The following PUS1 variants were observed in gnomAD, a reference collection of about 807,000 sequenced individuals.
PUS1 encodes the protein pseudouridylate synthase 1 homolog.
In PUS1, 25 loss-of-function variants were observed where a neutral mutation model predicts 38.5. The observed-to-expected ratio is 0.65, with a 90% CI of 0.47 to 0.91. The LOEUF is 0.91. PUS1 is among the 40% of genes least tolerant of loss of function. The pLI, the probability that PUS1 is intolerant of heterozygous loss-of-function variation, is 0.00. For synonymous variants in PUS1, 282 were observed against 260.4 expected, an observed-to-expected ratio of 1.08 and a Z score of -0.80; for missense variants, 597 against 612.3, an observed-to-expected ratio of 0.97 and a Z score of 0.26.
Position 131,941,266 on chromosome 12 carries a change from C to T in PUS1, c.545-26C>T, listed in dbSNP as rs370072851. The T allele has an allele frequency of 5.9e-5, 95 of 1,606,542 alleles. No individual in the cohort carries two copies. The African/African-American group carries it at 1.1e-3, about 19-fold the overall frequency. On this transcript the variant is annotated intron_variant, in intron 4 of 5. Transcript: ENST00000376649. The surrounding 1 kb of genome is among the most constrained non-coding windows in gnomAD (Gnocchi z 4.4). ...ATCCAGGCACTTCTCACCTGCCTTT[C>T]TCCTCCCTGACCACCTCCCCCCTAG...
chr12:131,939,118 AGCGT>A (rs1473414308), intron 3 of PUS1, 51 bp from the exon 4 acceptor site: 1 of 1,087,704 alleles, frequency 9.2e-7, no homozygotes, highest in Non-Finnish European at 1.4e-6. Context: ...CTCAGAGACC[AGCGT>A]GCGAGGCCCA....
chr12:131,933,716 A>T (rs562586854), intron 3 of PUS1, among the ~76,000 whole-genome samples: 23 of 152,334 alleles, frequency 1.5e-4, no homozygotes, highest in African/African-American at 5.3e-4. Context: ...GGGAATGGGG[A>T]TGTCTCTAAG....
Position 131,943,767 on chromosome 12 carries a change from CTTGCA to C in PUS1, c.*188_*192del. 1 of 629,608 alleles carries C rather than the reference CTTGCA, an allele frequency of 1.6e-6. No homozygotes were observed. The highest frequency in any genetic ancestry group is 1.7e-5 in the South Asian group (1 of 59,552). 39.0% of individuals were successfully genotyped at this position (629,608 alleles called of 1,614,324 possible). A position where few individuals can be genotyped will look rare whatever the true frequency, so the allele number is the denominator to read the frequency against. On this transcript the variant is annotated 3_prime_UTR_variant, in exon 6 of 6. Transcript: ENST00000376649. ...GCCTTTCTCGAATCTGTTTTCAGCT[CTTGCA>C]TTGCATAGATGAACCTCAGCATGTA... is the stretch of plus-strand genomic sequence containing the variant.
Position 131,945,176 on chromosome 12 carries a change from C to T in PUS1, c.*1590C>T, listed in dbSNP as rs923169461. The T allele has an allele frequency of 4.6e-5, 7 of 152,418 alleles. No homozygotes were observed. Among genetic ancestry groups the T allele is most frequent in the African/African-American group, 1.7e-4 (7 of 41,478 alleles). 9.4% of individuals were successfully genotyped at this position (152,418 alleles called of 1,614,324 possible). On this transcript the variant is annotated 3_prime_UTR_variant, in exon 6 of 6. Transcript: ENST00000376649. ...TGCGTGAGTGACATGTGCACGTGCC[C>T]ATGATGCGGTGGACACCGTGTGTGA...
At chr12:131,931,333 A>G (rs1890593001) in intron 2 of PUS1, among the ~76,000 whole-genome samples, 1 of 151,646 alleles carries the variant, frequency 6.6e-6, no homozygotes, top group African/African-American at 2.4e-5. Flanking sequence ...TAGTTTTTGT[A>G]TTTTTAGTAG....
intron 2 of PUS1, chr12:131,931,548 A>ATTAT (rs992282132): frequency 9.1e-5 from 14 of 153,386 alleles, no homozygotes; most frequent in Middle Eastern, 3.4e-3. Flanking sequence ...AGCATACCTA[A>ATTAT]TTATTTATTT....
chr12:131,942,626 T>A (rs779513620), intron 5 of PUS1, among the ~76,000 whole-genome samples: 3 of 152,170 alleles, frequency 2.0e-5, no homozygotes, highest in Non-Finnish European at 4.4e-5. Context: ...CAGGATGGTC[T>A]TGATCTCCTG....
chr12:131,936,554 A>G (rs1367824408), intron 3 of PUS1, among the ~76,000 whole-genome samples: 1 of 147,558 alleles, frequency 6.8e-6, no homozygotes, highest in Non-Finnish European at 1.5e-5. Context: ...CAAGAGTGAA[A>G]CTCCGTCTCA....
chr12:131,933,328 G>A, intron 3 of PUS1, among the ~76,000 whole-genome samples: 1 of 151,848 alleles, frequency 6.6e-6, no homozygotes. Context: ...CGCCACATCT[G>A]GCTTGAAATT....
rs750716783 is a variant in PUS1, at chr12:131,941,181, G to T, written c.545-111G>T. The stretch of plus-strand genomic sequence containing the variant: ...AGAAGCCGATGCTTGCTGGAGCTTG[G>T]TCGGTGCTCTGGGTAAGGAGACGCT... On this transcript the variant is annotated intron_variant, in intron 4 of 5. Transcript: ENST00000376649. The surrounding 1 kb of genome is among the most constrained non-coding windows in gnomAD (Gnocchi z 4.4). 1.5e-4 allele frequency: 135 copies of T among 921,206 alleles called. No individual in the cohort carries two copies. Among genetic ancestry groups the T allele is most frequent in the Non-Finnish European group, 2.1e-4 (125 of 583,294 alleles). The allele number at this position is 921,206 out of a possible 1,614,324, so 57.1% of individuals were successfully genotyped here.
rs760191922 is a variant in PUS1 at position 131,941,282 on chromosome 12, TC to T, written c.545-4del. On this transcript the variant is annotated splice_polypyrimidine_tract_variant and intron_variant, in intron 4 of 5. Transcript: ENST00000376649. The surrounding 1 kb of genome is among the most constrained non-coding windows in gnomAD (Gnocchi z 4.4). ...CCTGCCTTTCTCCTCCCTGACCACC[TC>T]CCCCCTAGGACTGAAGCGGGTCACG... 3.0e-5 allele frequency: 48 copies of T among 1,612,842 alleles called. No individual in the cohort carries two copies. The highest frequency in any genetic ancestry group is 5.0e-5 in the Admixed American group (3 of 59,954).
At chr12:131,934,240 G>A (rs558987964) in intron 3 of PUS1, among the ~76,000 whole-genome samples, 22 of 152,190 alleles carry the variant, frequency 1.4e-4, no homozygotes, top group Non-Finnish European at 2.1e-4. Flanking sequence ...TGATGACTGC[G>A]GGCAGGCCTG....
In PUS1 at chr12:131,945,722, C is replaced by T. The variant is rs1052281821; in HGVS notation, c.*2136C>T. The T allele has an allele frequency of 6.6e-6, 1 of 152,238 alleles. No individual in the cohort carries two copies. Among genetic ancestry groups the T allele is most frequent in the Non-Finnish European group, 1.5e-5 (1 of 68,056 alleles). The allele number at this position is 152,238 out of a possible 1,614,324, so 9.4% of individuals were successfully genotyped here. On this transcript the variant is annotated 3_prime_UTR_variant, in exon 6 of 6. Transcript: ENST00000376649. ...ATGTTGGTCAGGCTGGTCTCAAACTCCTAAGCTCAGGTGATCCACCCGCCT... is the reference window on the plus strand; with the variant it reads ...ATGTTGGTCAGGCTGGTCTCAAACTTCTAAGCTCAGGTGATCCACCCGCCT...
At position 131,932,511 on chromosome 12, in the gene PUS1, G is replaced by C. The variant is rs1376417888; in HGVS notation, c.441+199G>C. ...AGCTGGATCTAGATGCTCCCTGCCA[G>C]TGGGACTCTGTGTTCTCTCTGGTCT... On this transcript the variant is annotated intron_variant, in intron 3 of 5. Transcript: ENST00000376649. 6.4e-6 allele frequency: 4 copies of C among 622,358 alleles called. No homozygotes were observed. The Admixed American group carries it at 1.0e-4, about 16-fold the overall frequency. 38.6% of individuals were successfully genotyped at this position (622,358 alleles called of 1,614,324 possible).
chr12:131,930,463 C>T (rs1370620824), intron 2 of PUS1, among the ~76,000 whole-genome samples: 2 of 152,200 alleles, frequency 1.3e-5, no homozygotes, highest in African/African-American at 4.8e-5. Context: ...TGTACTGACG[C>T]TCGGTGCTGA....
At chr12:131,940,178 G>A (rs1254807321) in intron 4 of PUS1, among the ~76,000 whole-genome samples, 6 of 151,832 alleles carry the variant, frequency 4.0e-5, no homozygotes, top group Admixed American at 3.9e-4. Context: ...ACAGGCACAC[G>A]CCACCACAGC....
At position 131,943,719 on chromosome 12, in the gene PUS1, C is replaced by T; in HGVS notation, c.*133C>T. 2 of 749,146 alleles carry T rather than the reference C, an allele frequency of 2.7e-6. No homozygotes were observed. The highest frequency in any genetic ancestry group is 4.7e-6 in the Non-Finnish European group (2 of 421,282). The allele number at this position is 749,146 out of a possible 1,614,324, so 46.4% of individuals were successfully genotyped here. Reference sequence around the variant, plus strand: ...CCCGGCCATGCCGGCGTTGTAACCTCAGGACCTTCCCTTGTAGGAACAGCC... The same window carrying T: ...CCCGGCCATGCCGGCGTTGTAACCTTAGGACCTTCCCTTGTAGGAACAGCC... On this transcript the variant is annotated 3_prime_UTR_variant, in exon 6 of 6. Coordinates refer to ENST00000376649, the MANE Select transcript of PUS1 (RefSeq NM_025215.6).
Position 131,932,233 on chromosome 12 carries a change from T to TC in PUS1, c.364dup (p.Arg122ProfsTer7), listed in dbSNP as rs1345194110. 6.2e-7 allele frequency: 1 copy of TC among 1,613,916 alleles called. No homozygotes were observed. Among genetic ancestry groups the TC allele is most frequent in the Non-Finnish European group, 8.5e-7 (1 of 1,179,898 alleles). Reference sequence around the variant, plus strand: ...GAAGATGACTTGGTGTCCGCCCTCGTCCGGTCAGGCTGTATTCCTGAAAAT... The same window carrying TC: ...GAAGATGACTTGGTGTCCGCCCTCGTCCCGGTCAGGCTGTATTCCTGAAAAT... On this transcript the variant is annotated frameshift_variant, in exon 3 of 6. Transcript: ENST00000376649. LOFTEE classifies it high-confidence loss of function.
At chr12:131,936,433 C>CGCCTGT (rs1566144326) in intron 3 of PUS1, among the ~76,000 whole-genome samples, 20 of 150,360 alleles carry the variant, frequency 1.3e-4, no homozygotes, top group Non-Finnish European at 4.4e-5. Context: ...TGTGGTGGTG[C>CGCCTGT]ACGCCTGTAA....
Sources: allele counts gnomAD v4.1 joint callset (sites outside exome capture counted in the v4.1 genomes callset), GRCh38; gene constraint gnomAD v4.1.1; non-coding constraint Gnocchi (gnomAD v3.1); transcripts MANE v1.5; gene names NCBI Gene and HGNC (gene_info 2026-07-23, HGNC 2026-07-21).